GLI3: variants seen among roughly 807,000 people sequenced by gnomAD.
GLI3 encodes the protein GLI family zinc finger 3.
A neutral mutation model predicts 100.8 loss-of-function variants in GLI3; 20 were observed. The observed-to-expected ratio is 0.20, with a 90% CI of 0.14 to 0.29. The LOEUF (loss-of-function observed/expected upper bound fraction) is 0.29. GLI3 is among the 10% of genes least tolerant of loss of function. The pLI is 1.00. For missense variants in GLI3, 2,040 were observed against 2,128.5 expected (o/e 0.96, Z 0.82); for synonymous variants, 938 against 860.5 (o/e 1.09, Z -1.58).
chr7:42,197,550 C>G (rs1787951489), intron 2 of GLI3, among the ~76,000 whole-genome samples: 1 of 152,222 alleles, frequency 6.6e-6, no homozygotes, highest in South Asian at 2.1e-4. Context: ...ACTCTGAATT[C>G]CTCTTCATTA....
intron 13 of GLI3, among the ~76,000 whole-genome samples, chr7:41,969,433 T>G (rs550493357): frequency 6.6e-6 from 1 of 152,328 alleles, no homozygotes; most frequent in Admixed American, 6.5e-5. Flanking sequence ...TCTGCTATCA[T>G]GGTACATACA....
chr7:42,257,390 C>G (rs1789096024), intron 1 of GLI3, among the ~76,000 whole-genome samples: 1 of 142,424 alleles, frequency 7.0e-6, no homozygotes, highest in South Asian at 2.2e-4. Flanking sequence ...GAGTCTCGCT[C>G]TGTCGCCCAG....
chr7:42,195,362 C>T (rs1787908936), intron 2 of GLI3, among the ~76,000 whole-genome samples: 1 of 152,178 alleles, frequency 6.6e-6, no homozygotes, highest in Non-Finnish European at 1.5e-5. Flanking sequence ...CACTTCCATT[C>T]CCCAGTCCCA....
chr7:41,968,405 T>C (rs1012470445), intron 13 of GLI3, among the ~76,000 whole-genome samples: 1 of 152,136 alleles, frequency 6.6e-6, no homozygotes, highest in African/African-American at 2.4e-5. Flanking sequence ...TCACAGGATG[T>C]TAGCAATTAT....
At chr7:42,073,172 C>T (rs1380863346) in intron 4 of GLI3, among the ~76,000 whole-genome samples, 3 of 152,062 alleles carry the variant, frequency 2.0e-5, no homozygotes, top group Non-Finnish European at 4.4e-5. Flanking sequence ...ATTTAAGAAA[C>T]AAAATGCCAA....
intron 2 of GLI3, among the ~76,000 whole-genome samples, chr7:42,181,427 C>T (rs189390300): frequency 1.3e-5 from 2 of 151,906 alleles, no homozygotes; most frequent in Admixed American, 1.3e-4. Flanking sequence ...ATGATGAAAC[C>T]CTGTCTCTAT....
intron 3 of GLI3, among the ~76,000 whole-genome samples, chr7:42,132,791 G>T (rs1006697959): frequency 1.3e-5 from 2 of 151,990 alleles, no homozygotes; most frequent in African/African-American, 4.8e-5. Context: ...TGACACCACT[G>T]ATCAGAAATG....
intron 10 of GLI3, among the ~76,000 whole-genome samples, chr7:42,009,320 T>C (rs894316867): frequency 2.0e-5 from 3 of 152,166 alleles, no homozygotes; most frequent in African/African-American, 4.8e-5. Context: ...ATGATCACCA[T>C]TTTATCTTAT....
At chr7:42,009,595 A>G (rs1262022253) in intron 10 of GLI3, among the ~76,000 whole-genome samples, 1 of 149,232 alleles carries the variant, frequency 6.7e-6, no homozygotes, top group Non-Finnish European at 1.5e-5. Context: ...TGACTCCCTT[A>G]CCAATCAACG....
intron 7 of GLI3, 61 bp from the exon 8 acceptor site, chr7:42,026,473 C>A (rs764613234): frequency 8.4e-7 from 1 of 1,194,566 alleles, no homozygotes; most frequent in Non-Finnish European, 1.2e-6. Flanking sequence ...GACAAGTACA[C>A]AAGATCTGCA....
chr7:42,016,543 TG>T (rs1377205981), intron 10 of GLI3, among the ~76,000 whole-genome samples: 1 of 152,200 alleles, frequency 6.6e-6, no homozygotes, highest in Non-Finnish European at 1.5e-5. Flanking sequence ...CCGTTTTATG[TG>T]GTAAAAGTCA....
At chr7:42,006,230 C>CA (rs1293580803) in intron 10 of GLI3, among the ~76,000 whole-genome samples, 2 of 151,244 alleles carry the variant, frequency 1.3e-5, no homozygotes, top group African/African-American at 4.8e-5. Flanking sequence ...TCCAATGGGG[C>CA]ACAGGCTGCC....
At chr7:42,116,314 G>T (rs754360008) in intron 3 of GLI3, among the ~76,000 whole-genome samples, 4 of 152,204 alleles carry the variant, frequency 2.6e-5, no homozygotes, top group Non-Finnish European at 5.9e-5. Context: ...ATGAAATGTG[G>T]ATGCTGGGTA....
intron 10 of GLI3, among the ~76,000 whole-genome samples, chr7:41,980,234 G>A (rs1204228253): frequency 6.6e-6 from 1 of 152,210 alleles, no homozygotes; most frequent in Non-Finnish European, 1.5e-5. Context: ...GCAAACAGAT[G>A]TGGGTTTCCT....
rs141064650 is a variant in GLI3, at chr7:42,249,165, A to T, written c.-43+14829T>A. Reference sequence around the variant, plus strand: ...CATTCCGTTAGTACAGGAGTCTTTTACAAACTTTTTATGTAAAAGACCACA... The same window carrying T: ...CATTCCGTTAGTACAGGAGTCTTTTTCAAACTTTTTATGTAAAAGACCACA... On this transcript the variant is annotated intron_variant, in intron 1 of 2. Transcript: ENST00000678978. Among the ~76,000 whole-genome samples the T allele has an allele frequency of 4.7e-3, 710 of 152,302 alleles. 1 individual carries two copies. The highest frequency in any genetic ancestry group is 0.01 in the Middle Eastern group (3 of 294).
intron 13 of GLI3, among the ~76,000 whole-genome samples, chr7:41,968,763 G>GAAAGAAGGAAA (rs1491137662): frequency 1.8e-5 from 1 of 56,690 alleles, no homozygotes; most frequent in African/African-American, 8.1e-5. Context: ...AAAGAAAGAA[G>GAAAGAAGGAAA]GAAAGAAAGA....
At chr7:42,084,062 C>CTA (rs1269553191) in intron 3 of GLI3, among the ~76,000 whole-genome samples, 9 of 152,222 alleles carry the variant, frequency 5.9e-5, no homozygotes, top group Non-Finnish European at 1.5e-5. Context: ...GACTCCTGGT[C>CTA]TATAAACTTC....
chr7:42,093,936 C>A (rs1707382425), intron 3 of GLI3, among the ~76,000 whole-genome samples: 1 of 152,088 alleles, frequency 6.6e-6, no homozygotes, highest in Admixed American at 6.5e-5. Flanking sequence ...TAAAGTCCAA[C>A]TCCCTTCTTC....
chr7:42,142,052 C>T (rs1786581881), intron 3 of GLI3, among the ~76,000 whole-genome samples: 1 of 152,042 alleles, frequency 6.6e-6, no homozygotes. Context: ...GGTCGGGCCA[C>T]CAGGTAGGGG....
Sources: allele counts gnomAD v4.1 joint callset (sites outside exome capture counted in the v4.1 genomes callset), GRCh38; gene constraint gnomAD v4.1.1; transcripts MANE v1.5; gene names NCBI Gene and HGNC (gene_info 2026-07-23, HGNC 2026-07-21).